PRKCQ: variants seen among roughly 807,000 people sequenced by gnomAD.
PRKCQ encodes the protein protein kinase C theta type.
Under a neutral mutation model 91.2 loss-of-function variants are expected in PRKCQ, and 41 were observed. The observed-to-expected ratio is 0.45, with a 90% CI of 0.35 to 0.58. The LOEUF is 0.58. PRKCQ is among the 20% of genes least tolerant of loss of function. The pLI is 0.00. For synonymous variants in PRKCQ, 307 were observed against 316.9 expected, an observed-to-expected ratio of 0.97 and a Z score of 0.33; for missense variants, 673 against 896.5, an observed-to-expected ratio of 0.75 and a Z score of 3.18.
At chr10:6,414,938 A>T in the PRKCQ span, among the ~76,000 whole-genome samples, 1 of 152,142 alleles carries the variant, frequency 6.6e-6, no homozygotes, top group African/African-American at 2.4e-5. Context: ...CTTTCCAAGT[A>T]TGATGAAGAC....
intron 15 of PRKCQ, among the ~76,000 whole-genome samples, chr10:6,443,542 A>T (rs1408537601): frequency 2.0e-5 from 3 of 152,244 alleles, no homozygotes; most frequent in African/African-American, 4.8e-5. Flanking sequence ...TGTTGAGTGA[A>T]GCAAGCCAGG....
chr10:6,416,812 C>T, the PRKCQ span, among the ~76,000 whole-genome samples: 1 of 152,156 alleles, frequency 6.6e-6, no homozygotes, highest in Non-Finnish European at 1.5e-5. Context: ...AGTGGTTGTA[C>T]TAGTTTACAT....
intron 16 of PRKCQ, among the ~76,000 whole-genome samples, chr10:6,435,702 A>G (rs1019011749): frequency 2.0e-5 from 3 of 152,218 alleles, no homozygotes; most frequent in African/African-American, 7.2e-5. Context: ...TAGCTGATGA[A>G]CTAAAACAAA....
chr10:6,450,119 AT>A (rs1418255252), intron 15 of PRKCQ, among the ~76,000 whole-genome samples: 28 of 149,582 alleles, frequency 1.9e-4, no homozygotes, highest in Non-Finnish European at 3.4e-4. Context: ...AAATGCTCCA[AT>A]TAAAAGACAC....
chr10:6,484,185 G>A (rs991612986), intron 10 of PRKCQ, among the ~76,000 whole-genome samples: 1 of 152,190 alleles, frequency 6.6e-6, no homozygotes, highest in Non-Finnish European at 1.5e-5. Flanking sequence ...AGGCCGAGGT[G>A]GGCGGATTGC....
chr10:6,459,378 T>G (rs1419933063), intron 14 of PRKCQ, among the ~76,000 whole-genome samples: 1 of 152,064 alleles, frequency 6.6e-6, no homozygotes, highest in African/African-American at 2.4e-5. Context: ...GGTTGGGACT[T>G]CTCTATGTTT....
Position 6,507,062 on chromosome 10 carries a change from T to C in PRKCQ, c.379+374A>G, listed in dbSNP as rs867558110. Among the ~76,000 whole-genome samples, 7 of 152,358 alleles carry C rather than the reference T, an allele frequency of 4.6e-5. No homozygotes were observed. The South Asian group carries it at 1.5e-3, about 32-fold the overall frequency. On this transcript the variant is annotated intron_variant, in intron 4 of 17. Transcript: ENST00000263125. ...ACTTCTTACTTATTTTGTATTCTAC[T>C]GATAATATGGTAGCTTCTTAGAGCA... is the stretch of plus-strand genomic sequence containing the variant.
chr10:6,444,517 T>C (rs1411855475), intron 15 of PRKCQ, among the ~76,000 whole-genome samples: 1 of 152,158 alleles, frequency 6.6e-6, no homozygotes, highest in Non-Finnish European at 1.5e-5. Flanking sequence ...CGTTAATTCA[T>C]GACTGCTGCT....
At chr10:6,558,891 T>C (rs1168146200) in intron 1 of PRKCQ, among the ~76,000 whole-genome samples, 1 of 152,146 alleles carries the variant, frequency 6.6e-6, no homozygotes, top group Non-Finnish European at 1.5e-5. Flanking sequence ...CTAGGGCTAT[T>C]GATTCTCCGG....
intron 12 of PRKCQ, among the ~76,000 whole-genome samples, chr10:6,469,176 G>C (rs532551266): frequency 1.3e-5 from 2 of 152,310 alleles, no homozygotes; most frequent in Admixed American, 6.5e-5. Context: ...CCAGGTTTAA[G>C]TGTTATTAAT....
At chr10:6,549,086 A>G (rs149171117) in intron 1 of PRKCQ, among the ~76,000 whole-genome samples, 28 of 152,298 alleles carry the variant, frequency 1.8e-4, no homozygotes, top group African/African-American at 6.7e-4. Flanking sequence ...CCAAGGGCTT[A>G]CATTCTAATG....
the PRKCQ span, among the ~76,000 whole-genome samples, chr10:6,409,854 C>G: frequency 6.6e-6 from 1 of 152,136 alleles, no homozygotes; most frequent in African/African-American, 2.4e-5. Flanking sequence ...GATAAAGTCT[C>G]TGTGTTCATG....
rs2453 is a variant in PRKCQ at position 6,427,711 on chromosome 10, C to T, written c.*496G>A. On this transcript the variant is annotated 3_prime_UTR_variant, in exon 18 of 18. Coordinates refer to ENST00000263125, the MANE Select transcript of PRKCQ (RefSeq NM_006257.5). Reference sequence around the variant, plus strand: ...CCAGGGCTGGCCCCCCAGCCATTTACACATCCACAGATAGGAATAGAATAA... The same window carrying T: ...CCAGGGCTGGCCCCCCAGCCATTTATACATCCACAGATAGGAATAGAATAA... 0.18 allele frequency: 28,022 copies of T among 155,088 alleles called. 3,267 individuals carry two copies. The highest frequency in any genetic ancestry group is 0.24 in the Middle Eastern group (72 of 296). The allele number at this position is 155,088 out of a possible 1,614,324, so 9.6% of individuals were successfully genotyped here. A position where few individuals can be genotyped will look rare whatever the true frequency, so the allele number is the denominator to read the frequency against.
At chr10:6,447,905 G>A (rs1834412626) in intron 15 of PRKCQ, among the ~76,000 whole-genome samples, 1 of 152,196 alleles carries the variant, frequency 6.6e-6, no homozygotes, top group Non-Finnish European at 1.5e-5. Flanking sequence ...TTTCTCTAAG[G>A]CACTGAGGAG....
At chr10:6,422,008 T>G in the PRKCQ span, among the ~76,000 whole-genome samples, 1 of 152,246 alleles carries the variant, frequency 6.6e-6, no homozygotes. Flanking sequence ...TTACAAATTG[T>G]ATCTTGCTTT....
intron 14 of PRKCQ, 59 bp from the exon 15 acceptor site, chr10:6,456,871 A>G: frequency 6.3e-7 from 1 of 1,579,746 alleles, no homozygotes; most frequent in Non-Finnish European, 8.6e-7. Context: ...TTAACATAAA[A>G]TTCCATAGGA....
At chr10:6,527,161 G>A (rs1488748856) in intron 1 of PRKCQ, among the ~76,000 whole-genome samples, 1 of 152,180 alleles carries the variant, frequency 6.6e-6, no homozygotes, top group African/African-American at 2.4e-5. Context: ...TTTGAGATAT[G>A]GAGAATACAG....
intron 16 of PRKCQ, 108 bp downstream of exon 16, chr10:6,441,785 A>G (rs1388684093): frequency 2.6e-6 from 3 of 1,171,114 alleles, no homozygotes; most frequent in Non-Finnish European, 3.6e-6. Context: ...ACCCAGTTCA[A>G]TAATAATCAT....
In PRKCQ at chr10:6,538,133, T is replaced by C. The variant is rs1296250063; in HGVS notation, c.-9-22989A>G. Among the ~76,000 whole-genome samples the C allele has an allele frequency of 2.6e-5, 4 of 152,224 alleles. No individual in the cohort carries two copies. In the East Asian group the frequency reaches 5.8e-4, roughly 22 times the overall value. ...TCTGTTCCAGCTGAAACACCCTTCA[T>C]TGTGCCTCACTCTGTGGGCTCAGAA... is the stretch of plus-strand genomic sequence containing the variant. On this transcript the variant is annotated intron_variant, in intron 1 of 17. Transcript: ENST00000263125.
Sources: gnomAD v4.1 joint callset for allele counts (sites outside exome capture counted in the v4.1 genomes callset) on GRCh38, gnomAD v4.1.1 for gene constraint, MANE v1.5 for transcripts, NCBI Gene and HGNC (gene_info 2026-07-23, HGNC 2026-07-21) for gene names.